Variants in ANGPT1 observed in about 807,000 individuals in gnomAD.
ANGPT1 encodes the protein angiopoietin-1.
In ANGPT1, 17 loss-of-function variants were observed where a neutral mutation model predicts 62.2. The ratio of observed to expected loss-of-function variants is 0.27; its 90% CI spans 0.19 to 0.41. ANGPT1 has a LOEUF of 0.41. ANGPT1 is among the 10% of genes least tolerant of loss of function. ANGPT1 has a pLI of 1.00. For missense variants in ANGPT1, 478 were observed against 594.9 expected (o/e 0.80, Z 2.04); for synonymous variants, 199 against 198.9 (o/e 1.00, Z 0.00).
chr8:107,392,200 A>T (rs2130305897), intron 1 of ANGPT1, among the ~76,000 whole-genome samples: 1 of 152,320 alleles, frequency 6.6e-6, no homozygotes, highest in Non-Finnish European at 1.5e-5. Flanking sequence ...GTATATAATT[A>T]TATGAATACT....
chr8:107,250,737 G>C lies in ANGPT1; in HGVS notation c.*1118C>G, dbSNP rs937993427. On this transcript the variant is annotated 3_prime_UTR_variant, in exon 9 of 9. Transcript: ENST00000517746. ...CAAAGTGTTTCTTTTATAGACACTG[G>C]AACAGTGTGAATCTGGTAAGCATGT... is the stretch of plus-strand genomic sequence containing the variant. 1 of 151,888 alleles carries C rather than the reference G, an allele frequency of 6.6e-6. No individual in the cohort carries two copies. The highest frequency in any genetic ancestry group is 1.5e-5 in the Non-Finnish European group (1 of 67,920). The allele number at this position is 151,888 out of a possible 1,614,324, so 9.4% of individuals were successfully genotyped here. A position where few individuals can be genotyped will look rare whatever the true frequency, so the allele number is the denominator to read the frequency against.
chr8:107,281,183 A>C (rs778113483), intron 7 of ANGPT1, among the ~76,000 whole-genome samples: 5 of 152,082 alleles, frequency 3.3e-5, no homozygotes, highest in Non-Finnish European at 7.4e-5. Flanking sequence ...TCTTTTAATT[A>C]ATATGTCAAG....
chr8:107,351,602 CT>C (rs1815934652), intron 1 of ANGPT1, among the ~76,000 whole-genome samples: 1 of 151,256 alleles, frequency 6.6e-6, no homozygotes, highest in South Asian at 2.1e-4. Flanking sequence ...ATATTTATTC[CT>C]TTGAGAAAAA....
chr8:107,270,949 T>C (rs913935982), intron 7 of ANGPT1, among the ~76,000 whole-genome samples: 4 of 152,014 alleles, frequency 2.6e-5, no homozygotes, highest in Non-Finnish European at 5.9e-5. Flanking sequence ...GACTTATAGA[T>C]ATCTAAAAAC....
chr8:107,334,040 T>A (rs2347760), intron 3 of ANGPT1, among the ~76,000 whole-genome samples: 121,110 of 144,224 alleles, frequency 0.84, 50,472 homozygotes, highest in East Asian at 0.98. Context: ...GAAGGAAGGA[T>A]GGATAAATAT....
At chr8:107,380,215 C>T (rs1465967780) in intron 1 of ANGPT1, among the ~76,000 whole-genome samples, 1 of 152,080 alleles carries the variant, frequency 6.6e-6, no homozygotes, top group African/African-American at 2.4e-5. Context: ...GTTTATTACA[C>T]ACATGTGCCA....
At chr8:107,409,953 CCAT>C (rs1817230412) in intron 1 of ANGPT1, among the ~76,000 whole-genome samples, 2 of 123,960 alleles carry the variant, frequency 1.6e-5, no homozygotes, top group Admixed American at 1.5e-4. Context: ...ATCCATCCAT[CCAT>C]CCATCCATCC....
intron 5 of ANGPT1, among the ~76,000 whole-genome samples, chr8:107,297,085 T>C (rs1465648590): frequency 2.0e-5 from 3 of 152,040 alleles, no homozygotes; most frequent in Non-Finnish European, 2.9e-5. Flanking sequence ...CTTGTAAATG[T>C]TCAGATGTGC....
At chr8:107,401,705 G>A (rs1004512340) in intron 1 of ANGPT1, among the ~76,000 whole-genome samples, 1 of 152,118 alleles carries the variant, frequency 6.6e-6, no homozygotes, top group Admixed American at 6.5e-5. Flanking sequence ...ATAATATGAT[G>A]AAATTCCTTG....
chr8:107,395,909 C>G (rs1816925567), intron 1 of ANGPT1, among the ~76,000 whole-genome samples: 1 of 152,136 alleles, frequency 6.6e-6, no homozygotes, highest in African/African-American at 2.4e-5. Context: ...AGGAGATTAT[C>G]AAGGCATTTT....
chr8:107,401,279 A>G (rs903174062), intron 1 of ANGPT1, among the ~76,000 whole-genome samples: 1 of 152,128 alleles, frequency 6.6e-6, no homozygotes, highest in Non-Finnish European at 1.5e-5. Context: ...CAAGAAAAAA[A>G]AAAACTGTGG....
At chr8:107,473,218 T>C (rs1812409712) in intron 1 of ANGPT1, among the ~76,000 whole-genome samples, 1 of 152,080 alleles carries the variant, frequency 6.6e-6, no homozygotes, top group Admixed American at 6.6e-5. Context: ...ATTTCTGTTT[T>C]CACAGAACCA....
intron 1 of ANGPT1, among the ~76,000 whole-genome samples, chr8:107,486,462 A>G (rs1430411919): frequency 6.6e-6 from 1 of 152,134 alleles, no homozygotes; most frequent in African/African-American, 2.4e-5. Context: ...AACACATGTA[A>G]AGTTTTTCCA....
chr8:107,397,516 A>G (rs1816960284), intron 1 of ANGPT1, among the ~76,000 whole-genome samples: 1 of 152,088 alleles, frequency 6.6e-6, no homozygotes, highest in Non-Finnish European at 1.5e-5. Context: ...CAAAAATACC[A>G]GCTGTTTCAT....
intron 1 of ANGPT1, among the ~76,000 whole-genome samples, chr8:107,473,183 A>G (rs1254655094): frequency 1.3e-5 from 2 of 152,092 alleles, no homozygotes; most frequent in Admixed American, 1.3e-4. Flanking sequence ...TAACAAAACC[A>G]TTATTCTTTC....
Position 107,322,089 on chromosome 8 carries a change from G to C in ANGPT1, c.615C>G (p.His205Gln), listed in dbSNP as rs1489261811. The C allele has an allele frequency of 6.2e-7, 1 of 1,613,566 alleles. No individual in the cohort carries two copies. Among genetic ancestry groups the C allele is most frequent in the Non-Finnish European group, 8.5e-7 (1 of 1,179,778 alleles). The change falls in exon 4 of 9, where the codon CAC (histidine) becomes CAG (glutamine). Residue 205 changes from histidine to glutamine, a missense_variant. By Grantham distance (24) the His-to-Gln change is conservative. Coordinates refer to ENST00000517746, the MANE Select transcript of ANGPT1 (RefSeq NM_001146.5). ...EHKILEMEGK[H>Q]KEELDTLKEE... ...CCTTTAAGGTGTCCAACTCTTCCTT[G>C]TGTTTTCCTTCCATTTCTAAGATTT...
At chr8:107,470,904 T>C (rs1044362566) in intron 1 of ANGPT1, among the ~76,000 whole-genome samples, 54 of 152,246 alleles carry the variant, frequency 3.5e-4, no homozygotes, top group African/African-American at 1.3e-3. Flanking sequence ...CAACAGATGC[T>C]GGAGAGGATG....
intron 1 of ANGPT1, among the ~76,000 whole-genome samples, chr8:107,409,938 A>AATCCATCC (rs5893861): frequency 8.5e-4 from 126 of 149,022 alleles, no homozygotes; most frequent in Non-Finnish European, 1.4e-3. Context: ...ATATGTGATG[A>AATCCATCC]ATCCATCCAT....
intron 1 of ANGPT1, among the ~76,000 whole-genome samples, chr8:107,411,250 C>T (rs1309845825): frequency 6.6e-6 from 1 of 152,136 alleles, no homozygotes; most frequent in Non-Finnish European, 1.5e-5. Flanking sequence ...TGGTATTTTG[C>T]CTCCCATGTT....
Sources: allele counts gnomAD v4.1 joint callset (sites outside exome capture counted in the v4.1 genomes callset), GRCh38; gene constraint gnomAD v4.1.1; transcripts MANE v1.5; gene names NCBI Gene and HGNC (gene_info 2026-07-23, HGNC 2026-07-21).